Variants in NR1H4 observed in about 807,000 individuals in gnomAD.
NR1H4 encodes the protein nuclear receptor subfamily 1 group H member 4.
Under a neutral mutation model 58.5 loss-of-function variants are expected in NR1H4, and 23 were observed. That is an observed-to-expected ratio of 0.39 (90% CI 0.28 to 0.56). The LOEUF (loss-of-function observed/expected upper bound fraction) is 0.56, where lower values mean the gene tolerates loss of function less well. Among genes scored for constraint, NR1H4 ranks in the 20% least tolerant of loss-of-function variants. The pLI is 0.58. For missense variants in NR1H4, 487 were observed against 576.9 expected, an observed-to-expected ratio of 0.84 and a Z score of 1.60; for synonymous variants, 214 against 198.0, an observed-to-expected ratio of 1.08 and a Z score of -0.68.
intron 9 of NR1H4, among the ~76,000 whole-genome samples, 196 bp from the exon 10 acceptor site, chr12:100,561,689 A>C (rs974690660): frequency 6.6e-6 from 1 of 152,236 alleles, no homozygotes; most frequent in Non-Finnish European, 1.5e-5. Flanking sequence ...TGTTTTGGCT[A>C]TATTTTGAGA....
intron 2 of NR1H4, 88 bp from the exon 3 acceptor site, chr12:100,493,182 G>A (rs761803587): frequency 2.1e-5 from 14 of 661,776 alleles, no homozygotes; most frequent in South Asian, 1.2e-4. Flanking sequence ...TTGTACTTTC[G>A]TAAACTATCT....
intron 1 of NR1H4, among the ~76,000 whole-genome samples, chr12:100,489,846 T>C (rs1953569451): frequency 6.6e-6 from 1 of 152,220 alleles, no homozygotes; most frequent in Admixed American, 6.5e-5. Context: ...TTCTTTTTTT[T>C]TAAAGCCCAT....
intron 9 of NR1H4, among the ~76,000 whole-genome samples, chr12:100,551,778 A>AAG (rs1955208472): frequency 6.6e-6 from 1 of 152,204 alleles, no homozygotes; most frequent in Admixed American, 6.5e-5. Flanking sequence ...GATTGGTTCT[A>AAG]AGATCTCTCT....
At chr12:100,491,771 G>A (rs2136101179) in intron 1 of NR1H4, among the ~76,000 whole-genome samples, 1 of 152,038 alleles carries the variant, frequency 6.6e-6, no homozygotes, top group African/African-American at 2.4e-5. Flanking sequence ...TCTCTTCTCA[G>A]AAGACTCTCC....
intron 8 of NR1H4, among the ~76,000 whole-genome samples, chr12:100,539,470 C>A (rs1954887837): frequency 6.6e-6 from 1 of 152,180 alleles, no homozygotes; most frequent in South Asian, 2.1e-4. Flanking sequence ...TAGATTCTCT[C>A]GGATGGTGGC....
chr12:100,487,200 T>C (rs1953510559), intron 1 of NR1H4, among the ~76,000 whole-genome samples: 1 of 152,112 alleles, frequency 6.6e-6, no homozygotes, highest in South Asian at 2.1e-4. Flanking sequence ...AAAGGTATGA[T>C]GAGAAAAGCA....
At chr12:100,560,188 C>T (rs1955433752) in intron 9 of NR1H4, among the ~76,000 whole-genome samples, 1 of 152,142 alleles carries the variant, frequency 6.6e-6, no homozygotes, top group Non-Finnish European at 1.5e-5. Context: ...GTAAATGTAC[C>T]AATCAGCGCC....
At chr12:100,500,470 C>T (rs866125630) in intron 3 of NR1H4, among the ~76,000 whole-genome samples, 14 of 152,274 alleles carry the variant, frequency 9.2e-5, no homozygotes, top group Non-Finnish European at 1.3e-4. Context: ...AGCCACTATT[C>T]GCATGTGGTT....
At chr12:100,479,088 T>C (rs1953328018) in intron 1 of NR1H4, among the ~76,000 whole-genome samples, 1 of 152,186 alleles carries the variant, frequency 6.6e-6, no homozygotes. Flanking sequence ...TTATCCTTTC[T>C]GTTTTTATTT....
intron 3 of NR1H4, among the ~76,000 whole-genome samples, chr12:100,495,073 G>T (rs1312916300): frequency 6.6e-6 from 1 of 152,186 alleles, no homozygotes; most frequent in Non-Finnish European, 1.5e-5. Context: ...AAAAAGCCAC[G>T]AAGATGCCGT....
rs772839437 is a variant in NR1H4, at chr12:100,556,475, AAAAAAAC to A, written c.1079-5393_1079-5387del. 5.6e-4 allele frequency among the ~76,000 whole-genome samples: 85 copies of A among 151,918 alleles called. 1 individual carries two copies. The highest frequency in any genetic ancestry group is 7.4e-4 in the Non-Finnish European group (50 of 67,872). On this transcript the variant is annotated intron_variant, in intron 9 of 10. Coordinates refer to ENST00000392986, the MANE Select transcript of NR1H4 (RefSeq NM_001206979.2). ...AGAGTGAAACTCCGTCTCAAAGAAA[AAAAAAAC>A]AAAAAACAAAAAACAACTCTCTTTT...
intron 1 of NR1H4, among the ~76,000 whole-genome samples, chr12:100,475,589 C>T (rs975607149): frequency 1.3e-5 from 2 of 152,142 alleles, no homozygotes; most frequent in Non-Finnish European, 2.9e-5. Context: ...GGCCTTTGTA[C>T]TCTGCAAGGA....
At chr12:100,476,878 C>T (rs940017649) in intron 1 of NR1H4, among the ~76,000 whole-genome samples, 1 of 152,092 alleles carries the variant, frequency 6.6e-6, no homozygotes, top group African/African-American at 2.4e-5. Context: ...CATAGAGAGA[C>T]ACCACCTCAA....
intron 9 of NR1H4, among the ~76,000 whole-genome samples, chr12:100,555,349 C>T (rs1189903640): frequency 1.3e-5 from 2 of 152,048 alleles, no homozygotes; most frequent in African/African-American, 2.4e-5. Flanking sequence ...AAAAGAACAG[C>T]CTTACCAAGA....
chr12:100,525,635 T>C (rs969578677), intron 4 of NR1H4, among the ~76,000 whole-genome samples: 10 of 152,198 alleles, frequency 6.6e-5, no homozygotes, highest in Non-Finnish European at 1.3e-4. Flanking sequence ...GGTATTAGGG[T>C]AATGCTGGCC....
At chr12:100,543,524 G>A (rs1051905402) in intron 9 of NR1H4, among the ~76,000 whole-genome samples, 2 of 151,830 alleles carry the variant, frequency 1.3e-5, no homozygotes, top group East Asian at 3.9e-4. Flanking sequence ...AAGACATTAT[G>A]TTGTCAAGAA....
chr12:100,511,036 G>T lies in NR1H4; in HGVS notation c.338G>T (p.Arg113Leu), dbSNP rs565451641. 1.2e-6 allele frequency: 2 copies of T among 1,614,138 alleles called. No individual in the cohort carries two copies. The highest frequency in any genetic ancestry group is 1.3e-5 in the African/African-American group (1 of 74,950). The change falls in exon 4 of 11, where the codon CGC (arginine) becomes CTC (leucine). Residue 113 changes from arginine to leucine, a missense_variant. Arg to Leu is a moderately radical substitution (Grantham distance 102, BLOSUM62 -2). Coordinates refer to ENST00000392986, the MANE Select transcript of NR1H4 (RefSeq NM_001206979.2). ...GAGATGCCTGTAACAAAGAAGCCCC[G>T]CATGGGCGCGTCAGCAGGGAGGATC... is the stretch of plus-strand genomic sequence containing the variant. ...VAEMPVTKKPRMGASAGRIKG... is the reference protein window; with the variant it reads ...VAEMPVTKKPLMGASAGRIKG...
At chr12:100,559,727 C>T (rs1035962987) in intron 9 of NR1H4, among the ~76,000 whole-genome samples, 5 of 152,224 alleles carry the variant, frequency 3.3e-5, no homozygotes, top group East Asian at 1.9e-4. Flanking sequence ...TGCTCCACGG[C>T]GCCCAGTCCC....
At position 100,545,071 on chromosome 12, in the gene NR1H4, T is replaced by G. The variant is rs1223356920; in HGVS notation, c.1078+4253T>G. The stretch of plus-strand genomic sequence containing the variant: ...GGGCATCTGCAGGAGAATTATCTGG[T>G]GGTTGTTCTATCTTTCTTTCTCTGT... On this transcript the variant is annotated intron_variant, in intron 9 of 10. Coordinates refer to ENST00000392986, the MANE Select transcript of NR1H4 (RefSeq NM_001206979.2). 3.3e-5 allele frequency among the ~76,000 whole-genome samples: 5 copies of G among 152,038 alleles called. No homozygotes were observed. The East Asian group carries it at 9.7e-4, about 29-fold the overall frequency.
Sources: gnomAD v4.1 joint callset for allele counts (sites outside exome capture counted in the v4.1 genomes callset) on GRCh38, gnomAD v4.1.1 for gene constraint, MANE v1.5 for transcripts, NCBI Gene and HGNC (gene_info 2026-07-23, HGNC 2026-07-21) for gene names.